The following MTTP variants were observed in gnomAD, a reference collection of about 807,000 sequenced individuals.
MTTP encodes microsomal triglyceride transfer protein large subunit.
A neutral mutation model predicts 90.6 loss-of-function variants in MTTP; 49 were observed. That is an observed-to-expected ratio of 0.54 (90% CI 0.43 to 0.69). The LOEUF (loss-of-function observed/expected upper bound fraction) is 0.69. Among genes scored for constraint, MTTP ranks in the 30% least tolerant of loss-of-function variants. The pLI is 0.00. For missense variants in MTTP, 945 were observed against 1,067.5 expected, an observed-to-expected ratio of 0.89 and a Z score of 1.60; for synonymous variants, 347 against 384.2, an observed-to-expected ratio of 0.90 and a Z score of 1.13.
chr4:99,606,958 G>A lies in MTTP; in HGVS notation c.1555G>A (p.Glu519Lys). ...ATATGATCTCCCTTTCATAACTGAT[G>A]AGGTAAAATCTCCAAGAATATTTGC... ...QRYDLPFITD[E>K]VKKTLNRIYH... The change falls in exon 11 of 18, where the codon GAG becomes AAG. Residue 519 changes from glutamate to lysine, a missense_variant and splice_region_variant. Transcript: ENST00000265517. The A allele has an allele frequency of 6.2e-7, 1 of 1,611,394 alleles. No homozygotes were observed. The highest frequency in any genetic ancestry group is 8.5e-7 in the Non-Finnish European group (1 of 1,178,330).
In MTTP at chr4:99,611,277, C is replaced by A. The variant is rs993819867; in HGVS notation, c.1867+37C>A. ...AAAAAGAGGTTCTCCTTCCATACCC[C>A]ACAACTTAGCATTGCTGGAACTGCT... On this transcript the variant is annotated intron_variant, in intron 13 of 17. Transcript: ENST00000265517. 2.5e-6 allele frequency: 4 copies of A among 1,613,882 alleles called. No homozygotes were observed. The Admixed American group carries it at 5.0e-5, about 20-fold the overall frequency.
At chr4:99,619,476 AAACT>A (rs1289825735) in intron 16 of MTTP, among the ~76,000 whole-genome samples, 2 of 152,184 alleles carry the variant, frequency 1.3e-5, no homozygotes, top group African/African-American at 4.8e-5. Context: ...ATCTGTGCAG[AAACT>A]AACTATTAAA....
chr4:99,581,171 T>C (rs1472841894), intron 1 of MTTP, among the ~76,000 whole-genome samples: 1 of 152,230 alleles, frequency 6.6e-6, no homozygotes, highest in Non-Finnish European at 1.5e-5. Context: ...TTCTTTGGGC[T>C]AGGTAAACTG....
At chr4:99,585,451 C>T (rs556036269) in intron 3 of MTTP, among the ~76,000 whole-genome samples, 2 of 152,210 alleles carry the variant, frequency 1.3e-5, no homozygotes, top group East Asian at 3.9e-4. Context: ...GAAATGCCTG[C>T]CTCTTTGGTT....
chr4:99,622,315 G>C (rs1052828312), intron 17 of MTTP, among the ~76,000 whole-genome samples: 2 of 152,180 alleles, frequency 1.3e-5, no homozygotes, highest in African/African-American at 4.8e-5. Context: ...CTTAAATCCA[G>C]CTGGGCTTGC....
At position 99,622,754 on chromosome 4, in the gene MTTP, C is replaced by T. The variant is rs1167797867; in HGVS notation, c.2591C>T (p.Ala864Val). The T allele has an allele frequency of 5.6e-6, 9 of 1,614,114 alleles. No individual in the cohort carries two copies. Among genetic ancestry groups the T allele is most frequent in the African/African-American group, 1.3e-5 (1 of 75,048 alleles). Residue 864 changes from alanine (A) to valine (V), a missense_variant, in exon 18 of 18, where the codon GCA becomes GTA. By Grantham distance (64) the Ala-to-Val change is moderately conservative. Coordinates refer to ENST00000265517, the MANE Select transcript of MTTP (RefSeq NM_001386140.1). ...CAGAAAAGAAAAGAAAGCGTATTAGCAGGATGTGAATTCCCGCTCCATCAA... is the reference window on the plus strand; with the variant it reads ...CAGAAAAGAAAAGAAAGCGTATTAGTAGGATGTGAATTCCCGCTCCATCAA... ...VSQKRKESVLAGCEFPLHQEN... is the reference protein window; with the variant it reads ...VSQKRKESVLVGCEFPLHQEN...
chr4:99,565,540 T>G (rs1207780775), intron 1 of MTTP, among the ~76,000 whole-genome samples: 1 of 152,232 alleles, frequency 6.6e-6, no homozygotes, highest in Non-Finnish European at 1.5e-5. Context: ...ATGTATTTAT[T>G]TATTTGACAC....
chr4:99,569,363 G>A (rs374695370), intron 1 of MTTP, among the ~76,000 whole-genome samples: 2 of 152,042 alleles, frequency 1.3e-5, no homozygotes, highest in African/African-American at 2.4e-5. Flanking sequence ...CCCTGGATGG[G>A]AGATTGGAAA....
At position 99,601,716 on chromosome 4, in the gene MTTP, T is replaced by A; in HGVS notation, c.1344+2T>A. The stretch of plus-strand genomic sequence containing the variant: ...CAGAATGAAGGCTGCAAACTCAAAG[T>A]AAGTGCAAATCCAATCTCATGTATT... On this transcript the variant is annotated splice_donor_variant, in intron 10 of 17. Transcript: ENST00000265517. LOFTEE classifies it high-confidence loss of function. The A allele has an allele frequency of 5.6e-6, 9 of 1,600,564 alleles. No homozygotes were observed. Among genetic ancestry groups the A allele is most frequent in the Non-Finnish European group, 7.7e-6 (9 of 1,167,964 alleles).
rs149228079 is a variant in MTTP, at chr4:99,613,067, C to G, written c.2144C>G (p.Ser715Cys). The G allele has an allele frequency of 2.8e-5, 45 of 1,613,948 alleles. No individual in the cohort carries two copies. The highest frequency in any genetic ancestry group is 3.7e-5 in the Non-Finnish European group (44 of 1,179,968). ...TFFNGYSDLM[S>C]KMLSASGDPI... ...TTCAACGGATACAGTGATTTGATGTCCAAAATGCTGTCAGCATCTGGCGAC... is the reference window on the plus strand; with the variant it reads ...TTCAACGGATACAGTGATTTGATGTGCAAAATGCTGTCAGCATCTGGCGAC... The change falls in exon 15 of 18, where the codon TCC becomes TGC. Residue 715 changes from serine to cysteine, a missense_variant. Transcript: ENST00000265517.
chr4:99,567,523 A>G (rs1578225684), intron 1 of MTTP, among the ~76,000 whole-genome samples: 2 of 152,224 alleles, frequency 1.3e-5, no homozygotes, highest in Admixed American at 1.3e-4. Context: ...TCGGCGTCAA[A>G]ACTGGCAGGT....
At chr4:99,582,934 G>A (rs1174221494) in intron 2 of MTTP, among the ~76,000 whole-genome samples, 2 of 152,112 alleles carry the variant, frequency 1.3e-5, no homozygotes, top group Non-Finnish European at 2.9e-5. Context: ...ACAGTAAACT[G>A]TTCTCCAGAA....
chr4:99,614,110 G>A (rs1726031487), intron 15 of MTTP, among the ~76,000 whole-genome samples: 1 of 152,194 alleles, frequency 6.6e-6, no homozygotes, highest in Non-Finnish European at 1.5e-5. Context: ...GGATTGACTT[G>A]TAAAGTTTAC....
chr4:99,581,876 A>T (rs1725124180), intron 1 of MTTP, 29 bp from the exon 2 acceptor site: 1 of 1,611,110 alleles, frequency 6.2e-7, no homozygotes. Context: ...TACAATGAAA[A>T]CTGGATATGT....
Position 99,581,918 on chromosome 4 carries a change from T to G in MTTP, c.75T>G (p.Gly25=). The change falls in exon 2 of 18, where the codon GGT becomes GGG. Residue 25 remains glycine (G), a synonymous_variant. Transcript: ENST00000265517. ...ATCTTTATGCAGGTCACACAACTGG[T>G]CTCTCATTAAATAATGACCGGCTGT... ...YSASVKGHTT[G]LSLNNDRLYK... 6.2e-7 allele frequency: 1 copy of G among 1,613,996 alleles called. No individual in the cohort carries two copies. Among genetic ancestry groups the G allele is most frequent in the Non-Finnish European group, 8.5e-7 (1 of 1,179,940 alleles).
chr4:99,583,267 A>T, intron 2 of MTTP, 107 bp from the exon 3 acceptor site: 1 of 1,256,782 alleles, frequency 8.0e-7, no homozygotes, highest in Non-Finnish European at 1.1e-6. Flanking sequence ...TGACAGAAGA[A>T]ATTGTGGCCA....
Position 99,594,841 on chromosome 4 carries a change from T to C in MTTP, c.867T>C (p.Ile289=). The change falls in exon 7 of 18, where the codon ATT becomes ATC. Residue 289 remains isoleucine, a synonymous_variant. Transcript: ENST00000265517. ...ATTCAAAGTACACGGCCATTCCCATTGTGGGGCAGGTCTTCCAGAGCCACT... is the reference window on the plus strand; with the variant it reads ...ATTCAAAGTACACGGCCATTCCCATCGTGGGGCAGGTCTTCCAGAGCCACT... The part of the protein sequence containing the change: ...AVDSKYTAIP[I]VGQVFQSHCK... 1 of 1,614,018 alleles carries C rather than the reference T, an allele frequency of 6.2e-7. No individual in the cohort carries two copies. The highest frequency in any genetic ancestry group is 8.5e-7 in the Non-Finnish European group (1 of 1,179,916).
chr4:99,574,466 C>T (rs1256320052), upstream of MTTP, among the ~76,000 whole-genome samples: 1 of 152,162 alleles, frequency 6.6e-6, no homozygotes, highest in Non-Finnish European at 1.5e-5. Flanking sequence ...AGAATCCTTA[C>T]TACCCTCCCA....
Position 99,566,589 on chromosome 4 carries a change from G to C in MTTP, c.-102+2352G>C, listed in dbSNP as rs191406269. Among the ~76,000 whole-genome samples, 558 of 152,278 alleles carry C rather than the reference G, an allele frequency of 3.7e-3. 4 individuals carry two copies. The highest frequency in any genetic ancestry group is 0.013 in the African/African-American group (540 of 41,564). ...CTCTTTAATCAGGATAAAAGTTCCA[G>C]GAGAGAATATGGGCTTAATGGCACC... On this transcript the variant is annotated intron_variant, in intron 1 of 18. Transcript: ENST00000457717.
Sources: gnomAD v4.1 joint callset for allele counts (sites outside exome capture counted in the v4.1 genomes callset) on GRCh38, gnomAD v4.1.1 for gene constraint, MANE v1.5 for transcripts, NCBI Gene and HGNC (gene_info 2026-07-23, HGNC 2026-07-21) for gene names.